CFHR3: variants seen among roughly 807,000 people sequenced by gnomAD.
CFHR3 encodes complement factor H-related protein 3.
CFHR3 carries 22 observed loss-of-function variants against 36.0 expected under a neutral mutation model. The observed-to-expected ratio is 0.61, with a 90% confidence interval of 0.44 to 0.87. The LOEUF (loss-of-function observed/expected upper bound fraction) is 0.87, where lower values mean the gene tolerates loss of function less well. CFHR3 is among the 40% of genes least tolerant of loss of function. CFHR3 has a pLI of 0.00. For synonymous variants in CFHR3, 97 were observed against 137.4 expected, an observed-to-expected ratio of 0.71 and a Z score of 2.06; for missense variants, 276 against 401.3, an observed-to-expected ratio of 0.69 and a Z score of 2.67.
chr1:196,795,240 C>G lies in CFHR3; in HGVS notation c.*1727C>G. On this transcript the variant is annotated 3_prime_UTR_variant, in exon 6 of 6. Transcript: ENST00000367425. ...ACCCCACTCATGGTAGTAAATACAT[C>G]TCATGAGATCTAATGGTTTTATAAA... 2 of 136,070 alleles carry G rather than the reference C, an allele frequency of 1.5e-5. 1 individual carries two copies. Among genetic ancestry groups the G allele is most frequent in the Non-Finnish European group, 3.1e-5 (2 of 64,382 alleles). 8.4% of individuals were successfully genotyped at this position (136,070 alleles called of 1,614,324 possible). A position where few individuals can be genotyped will look rare whatever the true frequency, so the allele number is the denominator to read the frequency against.
At chr1:196,789,685 A>T in intron 4 of CFHR3, 1 of 1,473,142 alleles carries the variant, frequency 6.8e-7, no homozygotes, top group South Asian at 1.4e-5. Flanking sequence ...ATGGATATGA[A>T]ATCAGTTATG....
intron 3 of CFHR3, among the ~76,000 whole-genome samples, chr1:196,786,779 T>G (rs1654223648): frequency 7.3e-6 from 1 of 137,400 alleles, no homozygotes; most frequent in South Asian, 2.5e-4. Flanking sequence ...TGCCTTCCCC[T>G]GCTTTGGCTC....
rs199831934 is a variant in CFHR3, at chr1:196,790,738, T to TAATA, written c.796+554_796+557dup. Among the ~76,000 whole-genome samples, 593 of 106,236 alleles carry TAATA rather than the reference T, an allele frequency of 5.6e-3. 61 individuals carry two copies. Among genetic ancestry groups the TAATA allele is most frequent in the South Asian group, 8.3e-3 (23 of 2,756 alleles). The allele number at this position is 106,236 out of a possible 152,430, so 69.7% of individuals were successfully genotyped here. On this transcript the variant is annotated intron_variant, in intron 5 of 5. Coordinates refer to ENST00000367425, the MANE Select transcript of CFHR3 (RefSeq NM_021023.6). The stretch of plus-strand genomic sequence containing the variant: ...GACCCCATCTCCAAAAATAAAAAAA[T>TAATA]AATAAATAAATAAATAAATAAATAA...
intron 1 of CFHR3, among the ~76,000 whole-genome samples, chr1:196,775,549 G>A (rs1653677364): frequency 7.3e-6 from 1 of 136,842 alleles, no homozygotes; most frequent in African/African-American, 3.0e-5. Context: ...AGTTTTGATT[G>A]GCATTTCTGA....
rs1296194640 is a variant in CFHR3 at position 196,789,753 on chromosome 1, G to A, written c.614-292G>A. On this transcript the variant is annotated intron_variant, in intron 4 of 5. Coordinates refer to ENST00000367425, the MANE Select transcript of CFHR3 (RefSeq NM_021023.6). The stretch of plus-strand genomic sequence containing the variant: ...GATGGGTAGTCCCATTTCCCAACAT[G>A]TTATAGTAAGTATTTTATTCAAGTA... The A allele has an allele frequency of 2.1e-5, 29 of 1,392,118 alleles. 5 individuals are homozygous for A. Among genetic ancestry groups the A allele is most frequent in the African/African-American group, 3.7e-5 (2 of 53,830 alleles). 86.2% of individuals were successfully genotyped at this position (1,392,118 alleles called of 1,614,324 possible).
At chr1:196,792,587 G>A (rs1332210030) in intron 5 of CFHR3, among the ~76,000 whole-genome samples, 1 of 131,830 alleles carries the variant, frequency 7.6e-6, no homozygotes, top group Non-Finnish European at 1.6e-5. Flanking sequence ...ATCCATATGT[G>A]GAAGTAACAT....
At chr1:196,779,116 T>A (rs902855211) in intron 1 of CFHR3, 46 bp from the exon 2 acceptor site, 1 of 1,324,604 alleles carries the variant, frequency 7.5e-7, no homozygotes, top group African/African-American at 1.8e-5. Context: ...TATGATTTAT[T>A]ACAGTAAAAA....
rs1438568061 is a variant in CFHR3 at position 196,775,352 on chromosome 1, T to G, written c.58+408T>G. ...TTCATAATCTTACATATGGTGATTTTTATAGATTTATATATCAAAAAATCA... is the reference window on the plus strand; with the variant it reads ...TTCATAATCTTACATATGGTGATTTGTATAGATTTATATATCAAAAAATCA... On this transcript the variant is annotated intron_variant, in intron 1 of 5. Transcript: ENST00000367425. Among the ~76,000 whole-genome samples the G allele has an allele frequency of 4.4e-5, 6 of 137,078 alleles. 1 individual carries two copies. Among genetic ancestry groups the G allele is most frequent in the African/African-American group, 1.8e-4 (6 of 33,090 alleles). The allele number at this position is 137,078 out of a possible 152,430, so 89.9% of individuals were successfully genotyped here. A position where few individuals can be genotyped will look rare whatever the true frequency, so the allele number is the denominator to read the frequency against.
At position 196,780,000 on chromosome 1, in the gene CFHR3, CA is replaced by C; in HGVS notation, c.430+28del. The C allele has an allele frequency of 1.3e-6, 2 of 1,530,608 alleles. 1 individual carries two copies. The allele number at this position is 1,530,608 out of a possible 1,614,324, so 94.8% of individuals were successfully genotyped here. ...TAAGTACACCGCTCTGAGATCCCAG[CA>C]TGTTCATGTCTTTCTAAGTAACACG... On this transcript the variant is annotated intron_variant, in intron 3 of 5. Coordinates refer to ENST00000367425, the MANE Select transcript of CFHR3 (RefSeq NM_021023.6).
chr1:196,793,648 G>T lies in CFHR3; in HGVS notation c.*135G>T. 1.1e-5 allele frequency: 9 copies of T among 831,502 alleles called. 2 individuals are homozygous for T. Among genetic ancestry groups the T allele is most frequent in the East Asian group, 2.9e-5 (1 of 34,236 alleles). The allele number at this position is 831,502 out of a possible 1,614,324, so 51.5% of individuals were successfully genotyped here. ...TATTTCAAAGAAAATTAATATAATA[G>T]TTTCAATTTGCAACTTAATATATTC... is the stretch of plus-strand genomic sequence containing the variant. On this transcript the variant is annotated 3_prime_UTR_variant, in exon 6 of 6. Transcript: ENST00000367425.
intron 3 of CFHR3, among the ~76,000 whole-genome samples, chr1:196,785,458 G>T (rs1465528651): frequency 7.4e-6 from 1 of 134,340 alleles, no homozygotes; most frequent in Non-Finnish European, 1.6e-5. Context: ...ATGTAGATTT[G>T]GTCTTTTCAC....
rs766706345 is a variant in CFHR3 at position 196,790,011 on chromosome 1, G to C, written c.614-34G>C. On this transcript the variant is annotated intron_variant, in intron 4 of 5. Transcript: ENST00000367425. Reference sequence around the variant, plus strand: ...TTAGAAAGTTTCCAATAAGACTATTGATTTTTCCCCACATATAAAGTATTT... The same window carrying C: ...TTAGAAAGTTTCCAATAAGACTATTCATTTTTCCCCACATATAAAGTATTT... The C allele has an allele frequency of 1.3e-5, 16 of 1,258,522 alleles. 5 individuals carry two copies. In the South Asian group the frequency reaches 2.4e-4, roughly 19 times the overall value. The allele number at this position is 1,258,522 out of a possible 1,614,324, so 78.0% of individuals were successfully genotyped here. A position where few individuals can be genotyped will look rare whatever the true frequency, so the allele number is the denominator to read the frequency against.
rs201094935 is a variant in CFHR3, at chr1:196,775,708, G to C, written c.58+764G>C. 4.0e-4 allele frequency among the ~76,000 whole-genome samples: 55 copies of C among 136,702 alleles called. 4 individuals carry two copies. The East Asian group carries it at 9.2e-3, about 23-fold the overall frequency. 89.7% of individuals were successfully genotyped at this position (136,702 alleles called of 152,430 possible). On this transcript the variant is annotated intron_variant, in intron 1 of 5. Coordinates refer to ENST00000367425, the MANE Select transcript of CFHR3 (RefSeq NM_021023.6). ...GGCCTTGCATATTAAAGAACTATAT[G>C]GTAACATTAGCAGTGGAACCACATG...
rs1476429296 is a variant in CFHR3, at chr1:196,793,356, A to T, written c.836A>T (p.Asn279Ile). The stretch of plus-strand genomic sequence containing the variant: ...ACTGAAGAAAACATGAATAAAAATA[A>T]CATAAAGTTAAAAGGAAGAAGTGAC... ...IITEENMNKN[N>I]IKLKGRSDRK... is the part of the protein sequence containing the mutation. The change falls in exon 6 of 6, where the codon AAC (asparagine) becomes ATC (isoleucine). Residue 279 changes from asparagine (N) to isoleucine (I), a missense_variant. Physicochemically the swap from Asn to Ile is moderately radical, Grantham distance 149. This residue lies in a region of CFHR3 where 76 missense variants were observed against 79.8 expected (regional missense o/e 0.95). Transcript: ENST00000367425. 6.6e-7 allele frequency: 1 copy of T among 1,521,120 alleles called. No individual in the cohort carries two copies. The allele number at this position is 1,521,120 out of a possible 1,614,324, so 94.2% of individuals were successfully genotyped here. A position where few individuals can be genotyped will look rare whatever the true frequency, so the allele number is the denominator to read the frequency against.
Position 196,793,872 on chromosome 1 carries a change from A to G in CFHR3, c.*359A>G. 5.5e-6 allele frequency: 1 copy of G among 180,332 alleles called. No individual in the cohort carries two copies. Among genetic ancestry groups the G allele is most frequent in the South Asian group, 1.1e-4 (1 of 9,356 alleles). The allele number at this position is 180,332 out of a possible 1,614,324, so 11.2% of individuals were successfully genotyped here. Reference sequence around the variant, plus strand: ...TTTTATTTGGGGAAGTAATAATACCATAAAATTAGATATTAAAATTGTAAG... The same window carrying G: ...TTTTATTTGGGGAAGTAATAATACCGTAAAATTAGATATTAAAATTGTAAG... On this transcript the variant is annotated 3_prime_UTR_variant, in exon 6 of 6. Coordinates refer to ENST00000367425, the MANE Select transcript of CFHR3 (RefSeq NM_021023.6).
intron 1 of CFHR3, among the ~76,000 whole-genome samples, chr1:196,776,151 G>A (rs34408013): frequency 0.027 from 2,848 of 106,358 alleles, 122 homozygotes; most frequent in East Asian, 0.13. Flanking sequence ...TGGAATTAGA[G>A]AAGCATATGC....
chr1:196,791,507 A>G (rs1654428624), intron 5 of CFHR3, among the ~76,000 whole-genome samples: 1 of 114,308 alleles, frequency 8.7e-6, no homozygotes, highest in South Asian at 2.9e-4. Context: ...TAAGTACAGG[A>G]TGATACAAGC....
Position 196,787,639 on chromosome 1 carries a change from G to C in CFHR3, c.431-577G>C, listed in dbSNP as rs1458396745. ...GAACAAATACATTGCTAATATATTA[G>C]AACTTATTTTTGCTATCTTGCTTGC... On this transcript the variant is annotated intron_variant, in intron 3 of 5. Coordinates refer to ENST00000367425, the MANE Select transcript of CFHR3 (RefSeq NM_021023.6). Among the ~76,000 whole-genome samples the C allele has an allele frequency of 2.2e-5, 3 of 136,278 alleles. 1 individual carries two copies. Among genetic ancestry groups the C allele is most frequent in the African/African-American group, 6.2e-5 (2 of 32,394 alleles). The allele number at this position is 136,278 out of a possible 152,430, so 89.4% of individuals were successfully genotyped here. A position where few individuals can be genotyped will look rare whatever the true frequency, so the allele number is the denominator to read the frequency against.
chr1:196,794,361 G>C lies in CFHR3; in HGVS notation c.*848G>C, dbSNP rs1355798612. Among the ~76,000 whole-genome samples the C allele has an allele frequency of 7.3e-6, 1 of 136,738 alleles. No homozygotes were observed. The highest frequency in any genetic ancestry group is 1.6e-5 in the Non-Finnish European group (1 of 64,482). The allele number at this position is 136,738 out of a possible 152,430, so 89.7% of individuals were successfully genotyped here. A position where few individuals can be genotyped will look rare whatever the true frequency, so the allele number is the denominator to read the frequency against. ...ACCTGTAGTCCCAGCTACTCAGGAG[G>C]CTGAGGTGGGAGAATCACTTTAACC... On this transcript the variant is annotated 3_prime_UTR_variant, in exon 6 of 6. Transcript: ENST00000367425.
Sources: allele counts gnomAD v4.1 joint callset (sites outside exome capture counted in the v4.1 genomes callset), GRCh38; gene constraint gnomAD v4.1.1; regional missense constraint gnomAD v4.1.1; transcripts MANE v1.5; gene names NCBI Gene and HGNC (gene_info 2026-07-23, HGNC 2026-07-21).